The following NRG3 variants were observed in gnomAD, a reference collection of about 807,000 sequenced individuals.
NRG3 encodes neuregulin 3.
A neutral mutation model predicts 66.9 loss-of-function variants in NRG3; 31 were observed. That is an observed-to-expected ratio of 0.46 (90% CI 0.35 to 0.63). The LOEUF is 0.63. Among genes scored for constraint, NRG3 ranks in the 20% least tolerant of loss-of-function variants. The pLI is 0.00. For synonymous variants in NRG3, 393 were observed against 359.4 expected (o/e 1.09, Z -1.06); for missense variants, 910 against 878.9 (o/e 1.04, Z -0.45).
chr10:82,074,755 T>C (rs1291592156), intron 1 of NRG3, among the ~76,000 whole-genome samples: 1 of 152,214 alleles, frequency 6.6e-6, no homozygotes, highest in East Asian at 1.9e-4. Flanking sequence ...GAGGATCTCT[T>C]GAGCCCAGGA....
rs116858498 is a variant in NRG3 at position 82,015,718 on chromosome 10, A to G, written c.823+139555A>G. 1.7e-3 allele frequency among the ~76,000 whole-genome samples: 263 copies of G among 152,098 alleles called. 7 individuals carry two copies. In the East Asian group the frequency reaches 0.039, roughly 23 times the overall value. On this transcript the variant is annotated intron_variant, in intron 1 of 8. Coordinates refer to ENST00000372141, the MANE Select transcript of NRG3 (RefSeq NM_001010848.4). ...ATTACCGCATCTCGGGCAGTTCTTT[A>G]TAGCAGTATGAAAATGGGCTAATAC... is the stretch of plus-strand genomic sequence containing the variant.
At chr10:82,794,977 A>G (rs1301705228) in intron 3 of NRG3, among the ~76,000 whole-genome samples, 3 of 152,230 alleles carry the variant, frequency 2.0e-5, no homozygotes, top group Non-Finnish European at 4.4e-5. Flanking sequence ...CAGTCAAATC[A>G]TCATGTGGAC....
intron 1 of NRG3, among the ~76,000 whole-genome samples, chr10:81,887,497 G>A (rs1394645515): frequency 6.6e-6 from 1 of 152,104 alleles, no homozygotes; most frequent in Non-Finnish European, 1.5e-5. Flanking sequence ...ACAGTGCTGA[G>A]TACTAGAAAG....
intron 2 of NRG3, among the ~76,000 whole-genome samples, chr10:82,407,621 A>G (rs900617930): frequency 6.6e-6 from 1 of 152,172 alleles, no homozygotes; most frequent in African/African-American, 2.4e-5. Context: ...TGTCAACCCT[A>G]GATGTGCGTG....
chr10:82,115,266 G>C (rs2067636583), intron 1 of NRG3, among the ~76,000 whole-genome samples: 1 of 152,036 alleles, frequency 6.6e-6, no homozygotes, highest in South Asian at 2.1e-4. Context: ...CCTCTCCCTA[G>C]ATACTGCATA....
chr10:82,303,591 T>C (rs1476464673), intron 1 of NRG3, among the ~76,000 whole-genome samples: 3 of 152,062 alleles, frequency 2.0e-5, no homozygotes, highest in Non-Finnish European at 4.4e-5. Context: ...GTAAATGTGC[T>C]GGGCACGGTG....
At chr10:82,610,992 T>C (rs1229834119) in intron 2 of NRG3, among the ~76,000 whole-genome samples, 1 of 152,086 alleles carries the variant, frequency 6.6e-6, no homozygotes, top group Non-Finnish European at 1.5e-5. Context: ...AAGGCCAAAA[T>C]ATAAATATTT....
chr10:82,635,245 C>G (rs927443851), intron 2 of NRG3, among the ~76,000 whole-genome samples: 1 of 152,096 alleles, frequency 6.6e-6, no homozygotes, highest in African/African-American at 2.4e-5. Flanking sequence ...GATTTCTATT[C>G]TATCTCATTC....
At chr10:82,182,168 G>T (rs2073468829) in intron 1 of NRG3, among the ~76,000 whole-genome samples, 1 of 150,454 alleles carries the variant, frequency 6.6e-6, no homozygotes, top group Non-Finnish European at 1.5e-5. Context: ...TTTGTAGGCA[G>T]CAGATAATTG....
chr10:82,536,309 A>T (rs1240581817), intron 2 of NRG3, among the ~76,000 whole-genome samples: 1 of 152,236 alleles, frequency 6.6e-6, no homozygotes, highest in Non-Finnish European at 1.5e-5. Context: ...GAAAGCAAAA[A>T]GCAAAAAAGG....
intron 2 of NRG3, among the ~76,000 whole-genome samples, chr10:82,596,209 G>A (rs1458293724): frequency 2.0e-5 from 3 of 152,120 alleles, no homozygotes; most frequent in African/African-American, 7.2e-5. Context: ...CCCGGTAGCC[G>A]CTTCAGGAGC....
intron 2 of NRG3, among the ~76,000 whole-genome samples, chr10:82,585,635 A>G (rs1352656241): frequency 6.6e-6 from 1 of 152,176 alleles, no homozygotes; most frequent in Non-Finnish European, 1.5e-5. Context: ...ATGAAATTCT[A>G]TCTGAGAACC....
intron 2 of NRG3, among the ~76,000 whole-genome samples, chr10:82,548,039 G>GTTGT (rs2044044014): frequency 8.3e-6 from 1 of 121,026 alleles, no homozygotes. Flanking sequence ...CTCATGCCAC[G>GTTGT]TTTTTTTTTT....
intron 2 of NRG3, among the ~76,000 whole-genome samples, chr10:82,532,347 T>C (rs1025436437): frequency 1.3e-4 from 19 of 151,440 alleles, no homozygotes; most frequent in Non-Finnish European, 2.5e-4. Flanking sequence ...ATCCAAGTTA[T>C]GGCATGTTGC....
At chr10:82,277,948 G>C (rs886908275) in intron 1 of NRG3, among the ~76,000 whole-genome samples, 1 of 152,032 alleles carries the variant, frequency 6.6e-6, no homozygotes, top group African/African-American at 2.4e-5. Context: ...TGATAGACTT[G>C]ATGTTATGAA....
chr10:82,125,502 A>G (rs2068386521), intron 1 of NRG3, among the ~76,000 whole-genome samples: 1 of 152,078 alleles, frequency 6.6e-6, no homozygotes, highest in Non-Finnish European at 1.5e-5. Context: ...TTTTTGAAAA[A>G]TGATAACTAG....
At chr10:82,844,809 A>C (rs1399659245) in intron 3 of NRG3, among the ~76,000 whole-genome samples, 1 of 152,180 alleles carries the variant, frequency 6.6e-6, no homozygotes, top group Non-Finnish European at 1.5e-5. Context: ...GTATTAAAAA[A>C]AAAGTCTTTG....
At chr10:82,866,644 C>T (rs555538) in intron 4 of NRG3, among the ~76,000 whole-genome samples, 111,531 of 151,368 alleles carry the variant, frequency 0.74, 41,582 homozygotes, top group African/African-American at 0.86. Flanking sequence ...TCAAATGAAG[C>T]GCGATGGAAT....
At chr10:82,247,441 A>C (rs909191672) in intron 1 of NRG3, among the ~76,000 whole-genome samples, 5 of 151,998 alleles carry the variant, frequency 3.3e-5, no homozygotes, top group African/African-American at 1.2e-4. Flanking sequence ...AAAGGCTCTA[A>C]TTCTGTTTAT....
Sources: gnomAD v4.1 joint callset for allele counts (sites outside exome capture counted in the v4.1 genomes callset) on GRCh38, gnomAD v4.1.1 for gene constraint, MANE v1.5 for transcripts, NCBI Gene and HGNC (gene_info 2026-07-23, HGNC 2026-07-21) for gene names.